Variants in SLCO4C1 observed in about 807,000 individuals in gnomAD.
The protein encoded by SLCO4C1 is solute carrier organic anion transporter family member 4C1, also known as organic anion transporter M1.
In SLCO4C1, 58 loss-of-function variants were observed where a neutral mutation model predicts 72.1. The ratio of observed to expected loss-of-function variants is 0.80; its 90% CI spans 0.65 to 1.00. The LOEUF is 1.00. Among genes scored for constraint, SLCO4C1 ranks in the 50% least tolerant of loss-of-function variants. SLCO4C1 has a pLI of 0.00. For missense variants in SLCO4C1, 898 were observed against 857.9 expected, an observed-to-expected ratio of 1.05 and a Z score of -0.58; for synonymous variants, 297 against 312.5, an observed-to-expected ratio of 0.95 and a Z score of 0.52.
At chr5:102,287,534 C>CTTTTTTTTTTTT (rs148132091) in intron 2 of SLCO4C1, among the ~76,000 whole-genome samples, 1 of 79,970 alleles carries the variant, frequency 1.3e-5, no homozygotes, top group Non-Finnish European at 2.3e-5. Context: ...TTTTTCACTT[C>CTTTTTTTTTTTT]TTTTTTTTTT....
intron 9 of SLCO4C1, among the ~76,000 whole-genome samples, chr5:102,248,838 A>G (rs1476801453): frequency 6.6e-6 from 1 of 152,136 alleles, no homozygotes; most frequent in African/African-American, 2.4e-5. Flanking sequence ...AAGGTTCTTA[A>G]GTTTAGCTAA....
In SLCO4C1 at chr5:102,270,912, T is replaced by C. The variant is rs112717145; in HGVS notation, c.620-106A>G. 1,775 of 881,716 alleles carry C rather than the reference T, an allele frequency of 2.0e-3. 21 individuals are homozygous for C. The African/African-American group carries it at 0.026, about 13-fold the overall frequency. 54.6% of individuals were successfully genotyped at this position (881,716 alleles called of 1,614,324 possible). On this transcript the variant is annotated intron_variant, in intron 2 of 12. Coordinates refer to ENST00000310954, the MANE Select transcript of SLCO4C1 (RefSeq NM_180991.5). ...ATATAATATAACCTTATTTATTTCTTCCAATCATTTTACTTTGATTTAAAC... is the reference window on the plus strand; with the variant it reads ...ATATAATATAACCTTATTTATTTCTCCCAATCATTTTACTTTGATTTAAAC...
At chr5:102,250,352 G>A (rs1748715329) in intron 8 of SLCO4C1, among the ~76,000 whole-genome samples, 1 of 152,138 alleles carries the variant, frequency 6.6e-6, no homozygotes, top group Non-Finnish European at 1.5e-5. Flanking sequence ...GTCATTGCAA[G>A]CTGCCTCTTA....
At position 102,262,009 on chromosome 5, in the gene SLCO4C1, C is replaced by T. The variant is rs1477105300; in HGVS notation, c.924G>A (p.Pro308=). Residue 308 remains proline (P), a synonymous_variant, in exon 5 of 13, where the codon CCG becomes CCA. Transcript: ENST00000310954. ...CAATCCACCAAGCTCCCAACCATCG[C>T]GGATCATCCTCAGTGACATCAGTGC... The part of the protein sequence containing the change: ...GESTDVTEDD[P]RWLGAWWIGF... 1.2e-5 allele frequency: 19 copies of T among 1,612,718 alleles called. No individual in the cohort carries two copies. Among genetic ancestry groups the T allele is most frequent in the Admixed American group, 5.0e-5 (3 of 59,910 alleles).
At position 102,274,698 on chromosome 5, in the gene SLCO4C1, C is replaced by T. The variant is rs1456316183; in HGVS notation, c.620-3892G>A. 3.3e-5 allele frequency among the ~76,000 whole-genome samples: 5 copies of T among 152,148 alleles called. No individual in the cohort carries two copies. In the East Asian group the frequency reaches 9.6e-4, roughly 29 times the overall value. On this transcript the variant is annotated intron_variant, in intron 2 of 12. Coordinates refer to ENST00000310954, the MANE Select transcript of SLCO4C1 (RefSeq NM_180991.5). ...GCCTAGTTTTGAGGGAACCCAGTCT[C>T]CCCAGTTACCTGCATCAGGTGCTTT...
chr5:102,241,846 T>A (rs1401931768), intron 10 of SLCO4C1, among the ~76,000 whole-genome samples: 1 of 146,660 alleles, frequency 6.8e-6, no homozygotes, highest in African/African-American at 2.6e-5. Context: ...AATAATTATC[T>A]ACACAGAAAA....
intron 8 of SLCO4C1, 79 bp downstream of exon 8, chr5:102,257,036 C>A: frequency 4.2e-6 from 5 of 1,193,318 alleles, no homozygotes; most frequent in South Asian, 2.9e-5. Context: ...AATTTCTCAC[C>A]ATTTAAGAAA....
At chr5:102,251,876 A>G (rs1433865982) in intron 8 of SLCO4C1, among the ~76,000 whole-genome samples, 2 of 152,134 alleles carry the variant, frequency 1.3e-5, no homozygotes, top group Non-Finnish European at 2.9e-5. Flanking sequence ...ATGGACACCA[A>G]TTATGTGCTA....
intron 2 of SLCO4C1, among the ~76,000 whole-genome samples, chr5:102,274,151 G>A (rs1749203875): frequency 6.6e-6 from 1 of 152,012 alleles, no homozygotes; most frequent in African/African-American, 2.4e-5. Context: ...TTTATAGAAG[G>A]GACTTGAGCA....
intron 10 of SLCO4C1, among the ~76,000 whole-genome samples, chr5:102,246,115 T>G (rs1748631080): frequency 6.6e-6 from 1 of 151,748 alleles, no homozygotes; most frequent in Non-Finnish European, 1.5e-5. Context: ...TGATACATCT[T>G]AAAGAATTAG....
intron 2 of SLCO4C1, among the ~76,000 whole-genome samples, chr5:102,272,448 C>T (rs1749168919): frequency 6.6e-6 from 1 of 151,958 alleles, no homozygotes; most frequent in East Asian, 1.9e-4. Context: ...ATACAAACAT[C>T]CCACAAAAAG....
At chr5:102,260,976 A>T (rs1171220179) in intron 5 of SLCO4C1, among the ~76,000 whole-genome samples, 1 of 152,238 alleles carries the variant, frequency 6.6e-6, no homozygotes, top group Non-Finnish European at 1.5e-5. Flanking sequence ...GCTGCAAATA[A>T]CAATGTAAAC....
At chr5:102,257,853 A>T in intron 7 of SLCO4C1, 90 bp downstream of exon 7, 1 of 1,209,438 alleles carries the variant, frequency 8.3e-7, no homozygotes, top group Non-Finnish European at 1.2e-6. Context: ...TTAAATTTCA[A>T]GGAGGGCTAC....
intron 9 of SLCO4C1, among the ~76,000 whole-genome samples, chr5:102,248,422 A>T (rs1748676249): frequency 6.6e-6 from 1 of 152,144 alleles, no homozygotes; most frequent in Admixed American, 6.5e-5. Flanking sequence ...GCTGTGTAAG[A>T]TAGTAATTAT....
intron 2 of SLCO4C1, among the ~76,000 whole-genome samples, chr5:102,274,618 T>C (rs1378523970): frequency 6.6e-6 from 1 of 152,122 alleles, no homozygotes; most frequent in African/African-American, 2.4e-5. Flanking sequence ...GCCACACATT[T>C]GATAAGATTC....
chr5:102,249,185 G>A (rs893836518), intron 9 of SLCO4C1, among the ~76,000 whole-genome samples: 9 of 151,906 alleles, frequency 5.9e-5, no homozygotes, highest in South Asian at 2.1e-4. Context: ...ACTTACATGC[G>A]GATTTTTTTT....
At chr5:102,243,178 C>T (rs190215523) in intron 10 of SLCO4C1, among the ~76,000 whole-genome samples, 12 of 152,256 alleles carry the variant, frequency 7.9e-5, no homozygotes, top group African/African-American at 2.9e-4. Context: ...GCCAGCTTAG[C>T]CGCAATACAA....
chr5:102,257,640 A>G (rs1748861869), intron 7 of SLCO4C1, among the ~76,000 whole-genome samples: 1 of 149,226 alleles, frequency 6.7e-6, no homozygotes, highest in Non-Finnish European at 1.5e-5. Flanking sequence ...TTTTTTAAAG[A>G]CAAGATCTCA....
rs1375429751 is a variant in SLCO4C1 at position 102,263,805 on chromosome 5, A to C, written c.803-25T>G. 1.9e-6 allele frequency: 3 copies of C among 1,550,302 alleles called. No individual in the cohort carries two copies. The Admixed American group carries it at 5.1e-5, about 26-fold the overall frequency. ...CCTAGAAGAAGAACAGAGACATTGAATACAGTCATATGTACAACTTCACTT... is the reference window on the plus strand; with the variant it reads ...CCTAGAAGAAGAACAGAGACATTGACTACAGTCATATGTACAACTTCACTT... On this transcript the variant is annotated intron_variant, in intron 3 of 12. Transcript: ENST00000310954.
Sources: allele counts gnomAD v4.1 joint callset (sites outside exome capture counted in the v4.1 genomes callset), GRCh38; gene constraint gnomAD v4.1.1; transcripts MANE v1.5; gene names NCBI Gene and HGNC (gene_info 2026-07-23, HGNC 2026-07-21).